Variants in CRY1 observed in about 807,000 individuals in gnomAD.
The protein encoded by CRY1 is cryptochrome-1.
CRY1 carries 45 observed loss-of-function variants against 76.0 expected under a neutral mutation model. That is an observed-to-expected ratio of 0.59 (90% confidence interval 0.47 to 0.76). The LOEUF is 0.76. CRY1 is among the 30% of genes least tolerant of loss of function. The probability of loss-of-function intolerance (pLI) is 0.00; values close to 1 mark genes in which losing one functional copy is unlikely to be tolerated. For missense variants in CRY1, 587 were observed against 716.4 expected, an observed-to-expected ratio of 0.82 and a Z score of 2.06; for synonymous variants, 248 against 244.0, an observed-to-expected ratio of 1.02 and a Z score of -0.15.
At chr12:107,001,625 G>T (rs1329407359) in intron 4 of CRY1, 139 bp downstream of exon 4, 1 of 736,142 alleles carries the variant, frequency 1.4e-6, no homozygotes, top group African/African-American at 1.8e-5. Context: ...TTCTTAAAGG[G>T]TTCTTTTTCT....
At chr12:107,020,530 T>TG (rs1555276528) in intron 2 of CRY1, among the ~76,000 whole-genome samples, 1 of 151,766 alleles carries the variant, frequency 6.6e-6, no homozygotes, top group African/African-American at 2.4e-5. Flanking sequence ...GATCTGTTTT[T>TG]TTTTTTGTTT....
At chr12:107,012,863 A>G (rs925917058) in intron 2 of CRY1, among the ~76,000 whole-genome samples, 3 of 152,198 alleles carry the variant, frequency 2.0e-5, no homozygotes, top group Admixed American at 1.3e-4. Flanking sequence ...AGGAACTACA[A>G]ATGTGGTAGA....
At chr12:107,042,621 C>G (rs1952810729) in intron 1 of CRY1, among the ~76,000 whole-genome samples, 1 of 152,124 alleles carries the variant, frequency 6.6e-6, no homozygotes, top group African/African-American at 2.4e-5. Flanking sequence ...AGATGGCCAA[C>G]TGGAAGCCCC....
At chr12:107,026,175 T>A (rs561044722) in intron 1 of CRY1, among the ~76,000 whole-genome samples, 2 of 22,256 alleles carry the variant, frequency 9.0e-5, no homozygotes, top group African/African-American at 2.8e-4. Flanking sequence ...ATATATATAT[T>A]ACATATATAT....
chr12:107,074,354 T>C (rs1953224644), intron 1 of CRY1, among the ~76,000 whole-genome samples: 1 of 152,208 alleles, frequency 6.6e-6, no homozygotes, highest in Admixed American at 6.5e-5. Flanking sequence ...TAACTCCTGC[T>C]GGCCTACATC....
In CRY1 at chr12:107,038,972, C is replaced by T. The variant is rs1293816078; in HGVS notation, c.159-16780G>A. On this transcript the variant is annotated intron_variant, in intron 1 of 12. Coordinates refer to ENST00000008527, the MANE Select transcript of CRY1 (RefSeq NM_004075.5). The stretch of plus-strand genomic sequence containing the variant: ...AGACTAGCATCTGTATCATTCAACA[C>T]AGAGTGCTGGGCGTGGTGGTGCATG... 5.3e-5 allele frequency among the ~76,000 whole-genome samples: 8 copies of T among 152,120 alleles called. No homozygotes were observed. The East Asian group carries it at 9.7e-4, about 18-fold the overall frequency.
At chr12:107,047,711 G>C (rs962163427) in intron 1 of CRY1, among the ~76,000 whole-genome samples, 2 of 152,154 alleles carry the variant, frequency 1.3e-5, no homozygotes, top group Admixed American at 1.3e-4. Context: ...GCAGAACTGT[G>C]AGTCAATTAA....
chr12:106,992,597 C>A, intron 12 of CRY1, 190 bp downstream of exon 12: 1 of 499,320 alleles, frequency 2.0e-6, no homozygotes, highest in Non-Finnish European at 3.6e-6. Flanking sequence ...AAAACTGGTG[C>A]AACAATTTCT....
chr12:107,061,526 T>A (rs1276122863), intron 1 of CRY1, among the ~76,000 whole-genome samples: 1 of 151,920 alleles, frequency 6.6e-6, no homozygotes, highest in East Asian at 1.9e-4. Context: ...ATTACAGGCA[T>A]CCACCACCAC....
intron 2 of CRY1, among the ~76,000 whole-genome samples, chr12:107,019,644 A>ACTAGGG (rs138795388): frequency 0.027 from 4,065 of 152,300 alleles, 68 homozygotes; most frequent in African/African-American, 0.052. Flanking sequence ...TTTTAAAGCA[A>ACTAGGG]CTAGGGCTAG....
intron 1 of CRY1, among the ~76,000 whole-genome samples, chr12:107,090,112 CAG>C (rs1363944448): frequency 6.7e-6 from 1 of 149,096 alleles, no homozygotes; most frequent in Non-Finnish European, 1.5e-5. Flanking sequence ...TTTTTTGAGA[CAG>C]AGTCTGGCTC....
At chr12:107,057,875 A>G (rs541272021) in intron 1 of CRY1, among the ~76,000 whole-genome samples, 1 of 152,086 alleles carries the variant, frequency 6.6e-6, no homozygotes, top group Admixed American at 6.6e-5. Flanking sequence ...CCTGGGCAAC[A>G]AAGTGAGACG....
chr12:107,089,112 T>C lies in CRY1; in HGVS notation c.158+3692A>G, dbSNP rs543694617. Among the ~76,000 whole-genome samples the C allele has an allele frequency of 1.7e-4, 26 of 152,370 alleles. 1 individual carries two copies. In the South Asian group the frequency reaches 3.1e-3, roughly 18 times the overall value. The stretch of plus-strand genomic sequence containing the variant: ...TATGGCCAAATAATATTCCATTATA[T>C]GGATATACCATATTTTGTTTACCCA... On this transcript the variant is annotated intron_variant, in intron 1 of 12. Transcript: ENST00000008527.
At chr12:107,008,580 T>G (rs1454373116) in intron 2 of CRY1, among the ~76,000 whole-genome samples, 2 of 152,240 alleles carry the variant, frequency 1.3e-5, no homozygotes, top group African/African-American at 4.8e-5. Context: ...CCTTGTTTTT[T>G]CCTATCTTGG....
intron 3 of CRY1, among the ~76,000 whole-genome samples, chr12:107,002,946 C>T (rs954672878): frequency 6.6e-6 from 1 of 152,152 alleles, no homozygotes. Context: ...CCTTCTGAGC[C>T]GTGTGGAATT....
chr12:107,057,500 C>G (rs1359622009), intron 1 of CRY1, among the ~76,000 whole-genome samples: 2 of 152,024 alleles, frequency 1.3e-5, no homozygotes, highest in Non-Finnish European at 2.9e-5. Context: ...TCTCACAAAC[C>G]CACATTTCAA....
rs775600012 is a variant in CRY1, at chr12:107,092,974, G to T, written c.-13C>A. On this transcript the variant is annotated 5_prime_UTR_variant, in exon 1 of 13. Transcript: ENST00000008527. ...CGTTCACCCCCATGCCGGGGGGCGC[G>T]GCGGGTCCTCCACGGAGAAATTCAA... 6 of 1,525,632 alleles carry T rather than the reference G, an allele frequency of 3.9e-6. No individual in the cohort carries two copies. Among genetic ancestry groups the T allele is most frequent in the Admixed American group, 2.2e-5 (1 of 45,916 alleles). 94.5% of individuals were successfully genotyped at this position (1,525,632 alleles called of 1,614,324 possible). A position where few individuals can be genotyped will look rare whatever the true frequency, so the allele number is the denominator to read the frequency against.
chr12:107,006,929 C>A (rs1480858968), intron 2 of CRY1, among the ~76,000 whole-genome samples: 1 of 152,128 alleles, frequency 6.6e-6, no homozygotes, highest in East Asian at 1.9e-4. Context: ...CAGGCGTGAG[C>A]CACCATGCCC....
intron 1 of CRY1, among the ~76,000 whole-genome samples, chr12:107,080,822 G>C (rs1322288643): frequency 1.3e-5 from 2 of 151,954 alleles, no homozygotes; most frequent in African/African-American, 4.8e-5. Context: ...GCCACTATTA[G>C]ACATCTTGCT....
Sources: gnomAD v4.1 joint callset for allele counts (sites outside exome capture counted in the v4.1 genomes callset) on GRCh38, gnomAD v4.1.1 for gene constraint, MANE v1.5 for transcripts, NCBI Gene and HGNC (gene_info 2026-07-23, HGNC 2026-07-21) for gene names.